Variants in BMP8A observed in about 807,000 individuals in gnomAD.
The protein encoded by BMP8A is bone morphogenetic protein 8a, also known as BMP-8A.
In BMP8A, 14 loss-of-function variants were observed where a neutral mutation model predicts 36.8. That is an observed-to-expected ratio of 0.38 (90% CI 0.25 to 0.60). The LOEUF (loss-of-function observed/expected upper bound fraction) is 0.60. Among genes scored for constraint, BMP8A ranks in the 20% least tolerant of loss-of-function variants. The pLI, the probability that BMP8A is intolerant of heterozygous loss-of-function variation, is 0.63. For missense variants in BMP8A, 267 were observed against 551.1 expected (o/e 0.48, Z 5.16); for synonymous variants, 120 against 237.7 (o/e 0.50, Z 4.55).
At chr1:39,499,766 C>G (rs116555136) in intron 1 of BMP8A, among the ~76,000 whole-genome samples, 2,338 of 152,306 alleles carry the variant, frequency 0.015, 54 homozygotes, top group African/African-American at 0.053. Flanking sequence ...TTTTCTGCCT[C>G]CCATGTGCAG....
In BMP8A at chr1:39,502,691, A is replaced by G. The variant is rs369716640; in HGVS notation, c.335-8483A>G. Reference sequence around the variant, plus strand: ...CAATTTGAGCAATGAAATAAATAACAATAGTATTGGATATAGCCCATAGAA... The same window carrying G: ...CAATTTGAGCAATGAAATAAATAACGATAGTATTGGATATAGCCCATAGAA... On this transcript the variant is annotated intron_variant, in intron 1 of 6. Coordinates refer to ENST00000331593, the MANE Select transcript of BMP8A (RefSeq NM_181809.4). 3.0e-4 allele frequency among the ~76,000 whole-genome samples: 46 copies of G among 152,346 alleles called. No individual in the cohort carries two copies. The East Asian group carries it at 8.9e-3, about 29-fold the overall frequency.
chr1:39,499,454 C>T (rs150562536), intron 1 of BMP8A, among the ~76,000 whole-genome samples: 1 of 152,248 alleles, frequency 6.6e-6, no homozygotes, highest in Non-Finnish European at 1.5e-5. Flanking sequence ...CTTTTGAAGT[C>T]CCACTTTTTG....
chr1:39,518,167 C>T (rs1645407835), intron 3 of BMP8A, among the ~76,000 whole-genome samples: 1 of 152,116 alleles, frequency 6.6e-6, no homozygotes. Flanking sequence ...CTGGTGCATG[C>T]ACTGCATAAG....
At chr1:39,525,606 G>A (rs1286306642) in intron 6 of BMP8A, 43 bp from the exon 7 acceptor site, 1 of 1,606,992 alleles carries the variant, frequency 6.2e-7, no homozygotes, top group East Asian at 2.2e-5. Context: ...CTCAGAGGAG[G>A]CCACTGGCCT....
In BMP8A at chr1:39,525,951, C is replaced by G; in HGVS notation, c.*153C>G. ...TCCTGTCAGGCTTCTGGTCCTTTCT[C>G]GGTACCTCTGTGCCCCTCCCCTGGG... is the stretch of plus-strand genomic sequence containing the variant. On this transcript the variant is annotated 3_prime_UTR_variant, in exon 7 of 7. Transcript: ENST00000331593. 1.5e-6 allele frequency: 2 copies of G among 1,333,150 alleles called. No individual in the cohort carries two copies. Among genetic ancestry groups the G allele is most frequent in the South Asian group, 1.4e-5 (1 of 72,020 alleles). The allele number at this position is 1,333,150 out of a possible 1,614,324, so 82.6% of individuals were successfully genotyped here.
chr1:39,516,273 C>G, intron 3 of BMP8A: 1 of 650,136 alleles, frequency 1.5e-6, no homozygotes, highest in Non-Finnish European at 2.3e-6. Flanking sequence ...AAGGACAACA[C>G]CCCCAAGATC....
chr1:39,524,116 CTG>C lies in BMP8A; in HGVS notation c.1059+1000_1059+1001del, dbSNP rs1427559033. Among the ~76,000 whole-genome samples, 1 of 152,178 alleles carries C rather than the reference CTG, an allele frequency of 6.6e-6. No homozygotes were observed. Among genetic ancestry groups the C allele is most frequent in the African/African-American group, 2.4e-5 (1 of 41,434 alleles). Reference sequence around the variant, plus strand: ...CAGTCAAATGGTGTTTGCTGGACACCTGGAGCCATCTCCTTGGAAAGGCCCAG... The same window carrying C: ...CAGTCAAATGGTGTTTGCTGGACACCGAGCCATCTCCTTGGAAAGGCCCAG... On this transcript the variant is annotated intron_variant, in intron 6 of 6. Coordinates refer to ENST00000331593, the MANE Select transcript of BMP8A (RefSeq NM_181809.4). This position sits in a 1 kb window ranked among gnomAD's most constrained non-coding sequence, Gnocchi z 4.0.
At chr1:39,514,916 G>A (rs893172663) in intron 3 of BMP8A, 2 of 1,449,616 alleles carry the variant, frequency 1.4e-6, no homozygotes, top group Non-Finnish European at 1.8e-6. Context: ...GCGCACGCAG[G>A]GCTCACACCA....
At chr1:39,507,274 C>G (rs1360771032) in intron 1 of BMP8A, among the ~76,000 whole-genome samples, 1 of 152,208 alleles carries the variant, frequency 6.6e-6, no homozygotes, top group African/African-American at 2.4e-5. Context: ...AATTAACTTC[C>G]CAACCTTACA....
intron 1 of BMP8A, among the ~76,000 whole-genome samples, chr1:39,504,128 T>A (rs141179919): frequency 6.6e-6 from 1 of 152,306 alleles, no homozygotes; most frequent in East Asian, 1.9e-4. Flanking sequence ...GAAGGGCATA[T>A]CACTTTGAAG....
chr1:39,515,571 G>C, intron 3 of BMP8A: 1 of 1,433,108 alleles, frequency 7.0e-7, no homozygotes, highest in Non-Finnish European at 9.6e-7. Context: ...CATCCGGGCA[G>C]ACTTCGCCCT....
At chr1:39,499,783 G>A (rs947840797) in intron 1 of BMP8A, among the ~76,000 whole-genome samples, 9 of 152,194 alleles carry the variant, frequency 5.9e-5, no homozygotes, top group Non-Finnish European at 1.3e-4. Context: ...GCAGCTCCGC[G>A]TGGATAGCAT....
chr1:39,516,871 A>T (rs1645398433), intron 3 of BMP8A, among the ~76,000 whole-genome samples: 1 of 152,106 alleles, frequency 6.6e-6, no homozygotes, highest in Non-Finnish European at 1.5e-5. Context: ...CACTCAACCC[A>T]GAGTACACCT....
At chr1:39,504,328 C>G (rs532928286) in intron 1 of BMP8A, among the ~76,000 whole-genome samples, 984 of 152,174 alleles carry the variant, frequency 6.5e-3, no homozygotes, top group South Asian at 0.013. Flanking sequence ...ATCACTATCT[C>G]TACCATCTCA....
In BMP8A at chr1:39,514,224, G is replaced by A. The variant is rs977675018; in HGVS notation, c.673+2320G>A. ...CCGGGACAAGGCAGGTCCTTTCCAG[G>A]TGAGGAGACGCCTGCACGCTGCTGT... On this transcript the variant is annotated intron_variant, in intron 3 of 6. Transcript: ENST00000331593. 2.2e-5 allele frequency among the ~76,000 whole-genome samples: 3 copies of A among 136,002 alleles called. No homozygotes were observed. In the East Asian group the frequency reaches 6.4e-4, roughly 29 times the overall value. 89.2% of individuals were successfully genotyped at this position (136,002 alleles called of 152,430 possible).
intron 6 of BMP8A, 125 bp downstream of exon 6, chr1:39,523,242 A>AGAG: frequency 9.3e-7 from 1 of 1,074,488 alleles, no homozygotes; most frequent in Non-Finnish European, 1.3e-6. Flanking sequence ...TTGTCTGCAC[A>AGAG]GAGTCAGTAA....
chr1:39,494,049 G>T (rs1645184196), intron 1 of BMP8A, among the ~76,000 whole-genome samples: 1 of 152,226 alleles, frequency 6.6e-6, no homozygotes. Flanking sequence ...AAAAGGAGGT[G>T]CCTGGTGATC....
chr1:39,499,498 G>A (rs74778290), intron 1 of BMP8A, among the ~76,000 whole-genome samples: 5,567 of 152,296 alleles, frequency 0.037, 393 homozygotes, highest in East Asian at 0.32. Context: ...TTGTCTGAGT[G>A]AGACTAAATT....
chr1:39,497,664 G>A lies in BMP8A; in HGVS notation c.334+5339G>A, dbSNP rs573654427. ...CGCTTTCTGCCTGTGTGACCCAGGGGCTCACCTAGCCCCTCTTTCTCCTAC... is the reference window on the plus strand; with the variant it reads ...CGCTTTCTGCCTGTGTGACCCAGGGACTCACCTAGCCCCTCTTTCTCCTAC... On this transcript the variant is annotated intron_variant, in intron 1 of 6. Transcript: ENST00000331593. Among the ~76,000 whole-genome samples, 6 of 152,300 alleles carry A rather than the reference G, an allele frequency of 3.9e-5. No homozygotes were observed. In the South Asian group the frequency reaches 6.2e-4, roughly 16 times the overall value.
Sources: allele counts gnomAD v4.1 joint callset (sites outside exome capture counted in the v4.1 genomes callset), GRCh38; gene constraint gnomAD v4.1.1; non-coding constraint Gnocchi (gnomAD v3.1); transcripts MANE v1.5; gene names NCBI Gene and HGNC (gene_info 2026-07-23, HGNC 2026-07-21).